GALNTL6: variants seen among roughly 807,000 people sequenced by gnomAD.
GALNTL6 encodes the protein polypeptide N-acetylgalactosaminyltransferase like 6.
GALNTL6 carries 46 observed loss-of-function variants against 73.7 expected under a neutral mutation model. That is an observed-to-expected ratio of 0.62 (90% CI 0.49 to 0.80). GALNTL6 has a LOEUF of 0.80. Ranked by LOEUF, GALNTL6 falls within the 30% of genes least tolerant of loss-of-function variation. The probability of loss-of-function intolerance (pLI) is 0.00; values close to 1 mark genes in which losing one functional copy is unlikely to be tolerated. For synonymous variants in GALNTL6, 259 were observed against 263.7 expected (o/e 0.98, Z 0.17); for missense variants, 604 against 755.0 (o/e 0.80, Z 2.34).
intron 5 of GALNTL6, among the ~76,000 whole-genome samples, chr4:172,612,457 G>A (rs1001615131): frequency 2.0e-5 from 3 of 152,058 alleles, no homozygotes; most frequent in African/African-American, 7.2e-5. Context: ...TGGGGAGATA[G>A]TGTCACTAGT....
chr4:172,857,662 T>C (rs1744188118), intron 7 of GALNTL6, among the ~76,000 whole-genome samples: 1 of 152,218 alleles, frequency 6.6e-6, no homozygotes, highest in African/African-American at 2.4e-5. Context: ...ACCTGAATTA[T>C]TGAAAAGGTA....
chr4:172,024,870 C>T (rs549832053), intron 2 of GALNTL6, among the ~76,000 whole-genome samples: 1 of 142,380 alleles, frequency 7.0e-6, no homozygotes. Context: ...CTTCCTTCCT[C>T]CCTGTCTAAA....
intron 2 of GALNTL6, among the ~76,000 whole-genome samples, chr4:171,995,988 A>G (rs1740474725): frequency 6.6e-6 from 1 of 152,030 alleles, no homozygotes; most frequent in African/African-American, 2.4e-5. Flanking sequence ...TGGGGCATGA[A>G]ATTTTCATTT....
At position 172,146,986 on chromosome 4, in the gene GALNTL6, G is replaced by C. The variant is rs536771036; in HGVS notation, c.139-82670G>C. ...ATTAAGTATGTATTTTTAGGCACCGGGATTGTTGAAGTAGACTGTCAAAAC... is the reference window on the plus strand; with the variant it reads ...ATTAAGTATGTATTTTTAGGCACCGCGATTGTTGAAGTAGACTGTCAAAAC... On this transcript the variant is annotated intron_variant, in intron 2 of 12. Coordinates refer to ENST00000506823, the MANE Select transcript of GALNTL6 (RefSeq NM_001034845.3). 2.0e-5 allele frequency among the ~76,000 whole-genome samples: 3 copies of C among 152,196 alleles called. No individual in the cohort carries two copies. The South Asian group carries it at 6.2e-4, about 32-fold the overall frequency.
At chr4:171,823,137 T>G (rs1374539864) in intron 2 of GALNTL6, among the ~76,000 whole-genome samples, 2 of 152,200 alleles carry the variant, frequency 1.3e-5, no homozygotes, top group African/African-American at 2.4e-5. Context: ...CCTGGTATTC[T>G]CTTGATTATA....
chr4:172,069,519 TATGTATAACAC>T (rs1309252106), intron 2 of GALNTL6, among the ~76,000 whole-genome samples: 1 of 40,600 alleles, frequency 2.5e-5, no homozygotes, highest in African/African-American at 8.3e-5. Context: ...ATATATGTTA[TATGTATAACAC>T]ATATATTATA....
chr4:172,013,605 G>A (rs940954632), intron 2 of GALNTL6, among the ~76,000 whole-genome samples: 1 of 151,124 alleles, frequency 6.6e-6, no homozygotes, highest in African/African-American at 2.4e-5. Context: ...TACATTTGTG[G>A]GGCACATGAA....
At chr4:172,606,727 AC>A (rs1738319738) in intron 5 of GALNTL6, among the ~76,000 whole-genome samples, 2 of 133,608 alleles carry the variant, frequency 1.5e-5, no homozygotes, top group South Asian at 4.6e-4. Context: ...ATATATATAT[AC>A]TACTATTGCA....
At chr4:173,018,753 A>G (rs1183367639) in intron 11 of GALNTL6, among the ~76,000 whole-genome samples, 1 of 152,256 alleles carries the variant, frequency 6.6e-6, no homozygotes, top group Non-Finnish European at 1.5e-5. Context: ...TGTGAGAACT[A>G]CAGAGGTTTT....
intron 7 of GALNTL6, among the ~76,000 whole-genome samples, chr4:172,860,020 G>A (rs925750668): frequency 2.0e-5 from 3 of 152,138 alleles, no homozygotes; most frequent in African/African-American, 7.2e-5. Context: ...GAAATAAAGT[G>A]CACAATAAAT....
chr4:172,204,700 C>A (rs187917271), intron 2 of GALNTL6, among the ~76,000 whole-genome samples: 81 of 152,120 alleles, frequency 5.3e-4, no homozygotes, highest in African/African-American at 1.8e-3. Context: ...AATTTATGAA[C>A]CCTTTTGAGA....
intron 5 of GALNTL6, among the ~76,000 whole-genome samples, chr4:172,754,832 C>T (rs1471119084): frequency 1.1e-4 from 16 of 140,216 alleles, no homozygotes; most frequent in Non-Finnish European, 2.4e-4. Flanking sequence ...CTCAAGGAAC[C>T]TCACTTCCAC....
chr4:172,488,798 C>T (rs1199292918), intron 5 of GALNTL6, among the ~76,000 whole-genome samples: 3 of 143,266 alleles, frequency 2.1e-5, no homozygotes, highest in Non-Finnish European at 3.0e-5. Flanking sequence ...GTAAGCACTC[C>T]GTAGCTGAGA....
intron 10 of GALNTL6, among the ~76,000 whole-genome samples, chr4:172,998,671 C>T (rs1302380610): frequency 1.3e-5 from 2 of 152,112 alleles, no homozygotes; most frequent in African/African-American, 4.8e-5. Context: ...TCTCCCTAGG[C>T]CTCCCCTACT....
At chr4:172,687,625 C>CA (rs34724807) in intron 5 of GALNTL6, among the ~76,000 whole-genome samples, 36,625 of 128,794 alleles carry the variant, frequency 0.28, 5,189 homozygotes, top group Middle Eastern at 0.36. Context: ...AAGACTGTCT[C>CA]AAAAAAAAAA....
chr4:172,223,521 G>A (rs946381862), intron 2 of GALNTL6, among the ~76,000 whole-genome samples: 4 of 152,042 alleles, frequency 2.6e-5, no homozygotes, highest in African/African-American at 9.7e-5. Context: ...AGTGCATAGA[G>A]TTCAGAGACC....
chr4:172,835,779 G>A (rs1017239161), intron 7 of GALNTL6, among the ~76,000 whole-genome samples: 10 of 152,180 alleles, frequency 6.6e-5, no homozygotes, highest in African/African-American at 1.9e-4. Flanking sequence ...GACTGAGTAA[G>A]CAGATAAGTT....
chr4:172,210,171 AC>A (rs1304394349), intron 2 of GALNTL6, among the ~76,000 whole-genome samples: 1 of 152,052 alleles, frequency 6.6e-6, no homozygotes, highest in East Asian at 1.9e-4. Context: ...TTTTTAAGAC[AC>A]CTTATTTTTA....
At chr4:171,963,162 G>C (rs1048742739) in intron 2 of GALNTL6, among the ~76,000 whole-genome samples, 1 of 151,468 alleles carries the variant, frequency 6.6e-6, no homozygotes, top group Non-Finnish European at 1.5e-5. Flanking sequence ...TAGGATCATA[G>C]TATAGTAAAT....
Sources: gnomAD v4.1 joint callset for allele counts (sites outside exome capture counted in the v4.1 genomes callset) on GRCh38, gnomAD v4.1.1 for gene constraint, MANE v1.5 for transcripts, NCBI Gene and HGNC (gene_info 2026-07-23, HGNC 2026-07-21) for gene names.